The following MARK4 variants were observed in gnomAD, a reference collection of about 807,000 sequenced individuals.
MARK4 encodes the protein MAP/microtubule affinity-regulating kinase 4.
MARK4 carries 19 observed loss-of-function variants against 81.5 expected under a neutral mutation model. That is an observed-to-expected ratio of 0.23 (90% CI 0.16 to 0.34). The LOEUF is 0.34. Ranked by LOEUF, MARK4 falls within the 10% of genes least tolerant of loss-of-function variation. The pLI is 1.00. For missense variants in MARK4, 772 were observed against 1,058.8 expected (o/e 0.73, Z 3.76); for synonymous variants, 436 against 439.0 (o/e 0.99, Z 0.08).
At chr19:45,261,808 C>T (rs1300692217) in intron 2 of MARK4, among the ~76,000 whole-genome samples, 1 of 152,174 alleles carries the variant, frequency 6.6e-6, no homozygotes, top group Non-Finnish European at 1.5e-5. Context: ...TGACGCATGC[C>T]TGTAATCCCA....
chr19:45,261,240 A>G (rs1387796630), intron 2 of MARK4, among the ~76,000 whole-genome samples: 1 of 152,190 alleles, frequency 6.6e-6, no homozygotes, highest in Non-Finnish European at 1.5e-5. Flanking sequence ...TGTCCTTAAG[A>G]GCAAAACCAG....
At chr19:45,285,388 G>A (rs969492958) in intron 12 of MARK4, among the ~76,000 whole-genome samples, 1 of 152,100 alleles carries the variant, frequency 6.6e-6, no homozygotes, top group Non-Finnish European at 1.5e-5. Flanking sequence ...CTGTAATGGG[G>A]GCACAGGAGG....
intron 1 of MARK4, among the ~76,000 whole-genome samples, chr19:45,253,776 T>C (rs1234869560): frequency 2.0e-5 from 3 of 152,154 alleles, no homozygotes; most frequent in Admixed American, 6.6e-5. Context: ...GTGGCTGTTG[T>C]GGTTATTAGC....
intron 8 of MARK4, among the ~76,000 whole-genome samples, chr19:45,274,343 C>G (rs182230126): frequency 1.3e-5 from 2 of 151,816 alleles, no homozygotes; most frequent in Admixed American, 6.6e-5. Flanking sequence ...TTCAAGACAG[C>G]CTTCTGGCCG....
chr19:45,302,501 G>GC lies in MARK4; in HGVS notation c.2053dup (p.Arg685ProfsTer158). ...AGCTCTGCGCCAGGCCACAGCAGCCGCCCGCTGCCGCTGCCGCCAGCCACA... is the reference window on the plus strand; with the variant it reads ...AGCTCTGCGCCAGGCCACAGCAGCCGCCCCGCTGCCGCTGCCGCCAGCCACA... On this transcript the variant is annotated frameshift_variant, in exon 17 of 17. Coordinates refer to ENST00000262891, the MANE Select transcript of MARK4 (RefSeq NM_001199867.2). LOFTEE classifies it high-confidence loss of function. This position sits in a 1 kb window ranked among gnomAD's most constrained non-coding sequence, Gnocchi z 4.9. 1 of 1,603,868 alleles carries GC rather than the reference G, an allele frequency of 6.2e-7. No homozygotes were observed. Among genetic ancestry groups the GC allele is most frequent in the Non-Finnish European group, 8.5e-7 (1 of 1,178,942 alleles).
chr19:45,281,370 T>C (rs1970672199), intron 12 of MARK4, among the ~76,000 whole-genome samples: 1 of 147,676 alleles, frequency 6.8e-6, no homozygotes, highest in Admixed American at 6.8e-5. Flanking sequence ...TTTCTTTCTT[T>C]TTTTTTTTGA....
At chr19:45,275,417 C>G (rs1166589228) in intron 8 of MARK4, among the ~76,000 whole-genome samples, 1 of 151,966 alleles carries the variant, frequency 6.6e-6, no homozygotes, top group Admixed American at 6.6e-5. Context: ...CCCAGGAGTT[C>G]CAGGCTACAG....
At chr19:45,282,947 G>A (rs866444139) in intron 12 of MARK4, among the ~76,000 whole-genome samples, 4 of 151,356 alleles carry the variant, frequency 2.6e-5, no homozygotes, top group African/African-American at 7.3e-5. Flanking sequence ...AGCCGTGATC[G>A]CGCCACTGTA....
At chr19:45,257,771 G>A (rs1387441454) in intron 1 of MARK4, among the ~76,000 whole-genome samples, 1 of 145,770 alleles carries the variant, frequency 6.9e-6, no homozygotes, top group African/African-American at 2.6e-5. Flanking sequence ...CTCACTGCAA[G>A]CTCCACCTCC....
At position 45,271,776 on chromosome 19, in the gene MARK4, C is replaced by T; in HGVS notation, c.786+68C>T. On this transcript the variant is annotated intron_variant, in intron 8 of 16. Transcript: ENST00000262891. The surrounding 1 kb of genome is among the most constrained non-coding windows in gnomAD (Gnocchi z 4.1). The stretch of plus-strand genomic sequence containing the variant: ...CAGTCAGGCCCCTATCCCCCCCACA[C>T]CTCCCCTGCAGAGGGCCTCAGTGGT... 2.1e-6 allele frequency: 3 copies of T among 1,436,152 alleles called. No homozygotes were observed. Among genetic ancestry groups the T allele is most frequent in the Non-Finnish European group, 1.9e-6 (2 of 1,044,082 alleles). The allele number at this position is 1,436,152 out of a possible 1,614,324, so 89.0% of individuals were successfully genotyped here.
chr19:45,261,887 T>C (rs8105501), intron 2 of MARK4, among the ~76,000 whole-genome samples: 77,478 of 151,274 alleles, frequency 0.51, 21,166 homozygotes, highest in Non-Finnish European at 0.62. Context: ...GAGCCAAGAT[T>C]GCGCCATTGC....
chr19:45,278,657 G>T, intron 10 of MARK4, 42 bp downstream of exon 10: 1 of 1,464,390 alleles, frequency 6.8e-7, no homozygotes, highest in Non-Finnish European at 9.6e-7. Context: ...AGGATGGAGT[G>T]CAGTGGTGCA....
At chr19:45,263,028 A>C in intron 2 of MARK4, 85 bp from the exon 3 acceptor site, 1 of 1,500,032 alleles carries the variant, frequency 6.7e-7, no homozygotes, top group Non-Finnish European at 9.1e-7. Flanking sequence ...GTCTTCCCAA[A>C]ATGCTGGGAT....
rs1040685602 is a variant in MARK4, at chr19:45,280,607, C to G, written c.1149C>G (p.Ala383=). ...GGGACCGGGGCGCCCCAGGGCTGGCCCTGGCACGGGTGCGGGCGCCCAGCG... is the reference window on the plus strand; with the variant it reads ...GGGACCGGGGCGCCCCAGGGCTGGCGCTGGCACGGGTGCGGGCGCCCAGCG... ...EGGDRGAPGL[A]LARVRAPSDT... The change falls in exon 12 of 17, where the codon GCC becomes GCG. Residue 383 remains alanine, a synonymous_variant. Coordinates refer to ENST00000262891, the MANE Select transcript of MARK4 (RefSeq NM_001199867.2). 15 of 1,613,972 alleles carry G rather than the reference C, an allele frequency of 9.3e-6. No individual in the cohort carries two copies. Among genetic ancestry groups the G allele is most frequent in the Non-Finnish European group, 1.3e-5 (15 of 1,179,938 alleles).
At chr19:45,275,534 C>T (rs1315223922) in intron 8 of MARK4, among the ~76,000 whole-genome samples, 1 of 152,006 alleles carries the variant, frequency 6.6e-6, no homozygotes, top group Admixed American at 6.6e-5. Context: ...ATATGTTAAG[C>T]CCTTCACTGG....
At chr19:45,267,350 T>C (rs1024266727) in intron 7 of MARK4, among the ~76,000 whole-genome samples, 65 of 152,102 alleles carry the variant, frequency 4.3e-4, no homozygotes, top group African/African-American at 1.2e-3. Flanking sequence ...TGAGCCACCG[T>C]GTCCAGTCTG....
chr19:45,281,059 A>AT (rs998051164), intron 12 of MARK4, among the ~76,000 whole-genome samples: 38 of 144,564 alleles, frequency 2.6e-4, no homozygotes, highest in South Asian at 8.8e-4. Context: ...CAGCTCCCCG[A>AT]TTTTTTTTTT....
intron 10 of MARK4, among the ~76,000 whole-genome samples, chr19:45,279,245 A>G (rs1036585310): frequency 6.6e-6 from 1 of 151,184 alleles, no homozygotes; most frequent in African/African-American, 2.4e-5. Flanking sequence ...GGTCAGGCAC[A>G]GTGGCTCACG....
chr19:45,297,344 G>C (rs1361004422), intron 14 of MARK4, among the ~76,000 whole-genome samples: 1 of 152,120 alleles, frequency 6.6e-6, no homozygotes, highest in African/African-American at 2.4e-5. Context: ...CTGAGGTTTC[G>C]GCAAATAGCA....
Sources: gnomAD v4.1 joint callset for allele counts (sites outside exome capture counted in the v4.1 genomes callset) on GRCh38, gnomAD v4.1.1 for gene constraint, Gnocchi (gnomAD v3.1) non-coding constraint, MANE v1.5 for transcripts, NCBI Gene and HGNC (gene_info 2026-07-23, HGNC 2026-07-21) for gene names.